WDR41: variants seen among roughly 807,000 people sequenced by gnomAD.
WDR41 encodes the protein WD repeat-containing protein 41.
A neutral mutation model predicts 69.3 loss-of-function variants in WDR41; 63 were observed. That is an observed-to-expected ratio of 0.91 (90% confidence interval 0.74 to 1.12). The LOEUF (loss-of-function observed/expected upper bound fraction) is 1.12, where lower values mean the gene tolerates loss of function less well. Among genes scored for constraint, WDR41 ranks in the 50% most tolerant of loss-of-function variants. WDR41 has a pLI of 0.00. For missense variants in WDR41, 543 were observed against 534.5 expected, an observed-to-expected ratio of 1.02 and a Z score of -0.16; for synonymous variants, 185 against 192.1, an observed-to-expected ratio of 0.96 and a Z score of 0.31.
chr5:77,609,817 G>C (rs1216815714), intron 1 of WDR41, among the ~76,000 whole-genome samples: 2 of 152,038 alleles, frequency 1.3e-5, no homozygotes, highest in Non-Finnish European at 2.9e-5. Context: ...GAATGACTTT[G>C]ACGAGTTGAG....
intron 1 of WDR41, chr5:77,491,729 C>T (rs1018436214): frequency 5.9e-5 from 10 of 168,406 alleles, no homozygotes; most frequent in African/African-American, 2.1e-4. Flanking sequence ...TATCAGTAGA[C>T]GCCAGGAAGA....
At chr5:77,438,440 A>C in intron 9 of WDR41, 79 bp from the exon 10 acceptor site, 1 of 1,557,898 alleles carries the variant, frequency 6.4e-7, no homozygotes, top group Non-Finnish European at 8.7e-7. Context: ...CCCTCATGTG[A>C]CATCAGAAAG....
chr5:77,586,506 C>T (rs1360073671), intron 1 of WDR41, among the ~76,000 whole-genome samples: 2 of 152,086 alleles, frequency 1.3e-5, no homozygotes, highest in Non-Finnish European at 2.9e-5. Flanking sequence ...AGGGTTTCAC[C>T]ATGTTGCCAG....
chr5:77,491,554 C>CAATAA (rs1801790161), intron 1 of WDR41, among the ~76,000 whole-genome samples: 4 of 152,226 alleles, frequency 2.6e-5, no homozygotes, highest in African/African-American at 9.6e-5. Flanking sequence ...TACACACGGT[C>CAATAA]TATTCAATTA....
chr5:77,514,931 A>G (rs1802271214), intron 1 of WDR41, among the ~76,000 whole-genome samples: 1 of 152,234 alleles, frequency 6.6e-6, no homozygotes, highest in Non-Finnish European at 1.5e-5. Context: ...ATGTAGCCTG[A>G]AGGACTAGAA....
intron 12 of WDR41, among the ~76,000 whole-genome samples, chr5:77,434,865 CAA>C (rs1354503837): frequency 3.3e-5 from 5 of 152,106 alleles, no homozygotes; most frequent in African/African-American, 1.2e-4. Context: ...GTGCCACATT[CAA>C]ACACATTTTG....
rs563963160 is a variant in WDR41, at chr5:77,466,474, C to T, written c.168-1665G>A. ...TATAAAACATCAATTTCTATTGATT[C>T]TTTAAACTTAAAATTGCATTTAGAA... On this transcript the variant is annotated intron_variant, in intron 2 of 12. Coordinates refer to ENST00000296679, the MANE Select transcript of WDR41 (RefSeq NM_018268.4). 3.3e-5 allele frequency among the ~76,000 whole-genome samples: 5 copies of T among 151,898 alleles called. No individual in the cohort carries two copies. In the East Asian group the frequency reaches 7.7e-4, roughly 24 times the overall value.
At chr5:77,518,234 AT>A in intron 1 of WDR41, among the ~76,000 whole-genome samples, 1 of 152,198 alleles carries the variant, frequency 6.6e-6, no homozygotes, top group East Asian at 1.9e-4. Flanking sequence ...CTGTAACCCT[AT>A]TGCATCTCAT....
At chr5:77,439,950 G>T (rs986349342) in intron 9 of WDR41, among the ~76,000 whole-genome samples, 6 of 152,014 alleles carry the variant, frequency 3.9e-5, no homozygotes, top group Non-Finnish European at 7.4e-5. Context: ...ATAAAGTTGG[G>T]ATACAAAGAA....
chr5:77,546,971 C>T (rs1397089762), intron 1 of WDR41, among the ~76,000 whole-genome samples: 1 of 152,068 alleles, frequency 6.6e-6, no homozygotes, highest in Non-Finnish European at 1.5e-5. Context: ...GTTTAACATA[C>T]ACAAGTCAAT....
intron 1 of WDR41, among the ~76,000 whole-genome samples, chr5:77,506,891 T>C (rs914687230): frequency 7.7e-6 from 1 of 130,632 alleles, no homozygotes; most frequent in African/African-American, 3.0e-5. Flanking sequence ...CTGTAGGGGG[T>C]GGGGAGCTGG....
chr5:77,552,319 T>C (rs770875306), intron 1 of WDR41, among the ~76,000 whole-genome samples: 5 of 152,170 alleles, frequency 3.3e-5, no homozygotes, highest in Non-Finnish European at 5.9e-5. Flanking sequence ...GAAATACTTA[T>C]GCATTTACTT....
At chr5:77,559,017 G>T (rs142082481) in intron 1 of WDR41, among the ~76,000 whole-genome samples, 21 of 152,244 alleles carry the variant, frequency 1.4e-4, no homozygotes, top group African/African-American at 4.8e-4. Context: ...TTGTAAAAGG[G>T]TCTATGAAAG....
At chr5:77,485,943 T>A (rs1801500427) in intron 2 of WDR41, among the ~76,000 whole-genome samples, 1 of 151,786 alleles carries the variant, frequency 6.6e-6, no homozygotes, top group African/African-American at 2.4e-5. Context: ...TTATAACAGC[T>A]GACCAAAAAA....
chr5:77,534,268 A>G lies in WDR41; in HGVS notation c.43-44696T>C, dbSNP rs1561216920. ...TTTACATAGGTCCTATGTAAAAATT[A>G]TATTCAAACCATAAAATTTCAGATA... On this transcript the variant is annotated intron_variant, in intron 1 of 5. Transcript: ENST00000509971. Among the ~76,000 whole-genome samples the G allele has an allele frequency of 4.6e-5, 7 of 152,320 alleles. No homozygotes were observed. In the South Asian group the frequency reaches 1.2e-3, roughly 27 times the overall value.
rs762390170 is a variant in WDR41, at chr5:77,491,249, T to G, written c.51+921A>C. The stretch of plus-strand genomic sequence containing the variant: ...GCTCAAAAAGCTCCCCTGAGCACCT[T>G]GCCCCACTCCTGCCCGCCAGAGAAC... On this transcript the variant is annotated intron_variant, in intron 1 of 12. Coordinates refer to ENST00000296679, the MANE Select transcript of WDR41 (RefSeq NM_018268.4). 129 of 345,880 alleles carry G rather than the reference T, an allele frequency of 3.7e-4. 1 individual carries two copies. The highest frequency in any genetic ancestry group is 1.6e-4 in the Admixed American group (5 of 31,396). The allele number at this position is 345,880 out of a possible 1,614,324, so 21.4% of individuals were successfully genotyped here. A position where few individuals can be genotyped will look rare whatever the true frequency, so the allele number is the denominator to read the frequency against.
chr5:77,503,162 G>A (rs1355764714), intron 1 of WDR41, among the ~76,000 whole-genome samples: 6 of 135,248 alleles, frequency 4.4e-5, no homozygotes, highest in Non-Finnish European at 6.2e-5. Context: ...TAAAGGGATG[G>A]AGGAAGATCT....
At chr5:77,574,843 G>A (rs1743801296) in intron 1 of WDR41, among the ~76,000 whole-genome samples, 4 of 151,956 alleles carry the variant, frequency 2.6e-5, no homozygotes, top group Non-Finnish European at 2.9e-5. Context: ...TCTCCTTGTC[G>A]TAGTTGAAAC....
intron 1 of WDR41, among the ~76,000 whole-genome samples, chr5:77,517,400 C>CA (rs1156671711): frequency 9.2e-5 from 14 of 151,360 alleles, no homozygotes; most frequent in Non-Finnish European, 1.8e-4. Flanking sequence ...AAAACAAAAA[C>CA]AAAAAAAACA....
Sources: allele counts gnomAD v4.1 joint callset (sites outside exome capture counted in the v4.1 genomes callset), GRCh38; gene constraint gnomAD v4.1.1; transcripts MANE v1.5; gene names NCBI Gene and HGNC (gene_info 2026-07-23, HGNC 2026-07-21).